Variants in SLIT3 observed in about 807,000 individuals in gnomAD.
The protein encoded by SLIT3 is slit homolog 3 protein.
A neutral mutation model predicts 184.0 loss-of-function variants in SLIT3; 68 were observed. That is an observed-to-expected ratio of 0.37 (90% CI 0.30 to 0.45). SLIT3 has a LOEUF of 0.45. SLIT3 is among the 20% of genes least tolerant of loss of function. The pLI is 1.00. For synonymous variants in SLIT3, 831 were observed against 828.6 expected (o/e 1.00, Z -0.05); for missense variants, 1,707 against 2,026.0 (o/e 0.84, Z 3.02).
At chr5:168,880,407 C>T (rs984665080) in intron 5 of SLIT3, among the ~76,000 whole-genome samples, 1 of 152,232 alleles carries the variant, frequency 6.6e-6, no homozygotes, top group Non-Finnish European at 1.5e-5. Flanking sequence ...TCCCTCCACT[C>T]CCATGAGATG....
At chr5:168,817,854 TG>T (rs1481580822) in intron 7 of SLIT3, among the ~76,000 whole-genome samples, 1 of 152,200 alleles carries the variant, frequency 6.6e-6, no homozygotes, top group African/African-American at 2.4e-5. Context: ...AGTTACAGGT[TG>T]CTTGAAACAT....
chr5:168,953,176 T>C (rs1216069679), intron 4 of SLIT3, among the ~76,000 whole-genome samples: 1 of 152,182 alleles, frequency 6.6e-6, no homozygotes, highest in Non-Finnish European at 1.5e-5. Context: ...GGATCCTGAC[T>C]AGAGTTTGGT....
intron 1 of SLIT3, among the ~76,000 whole-genome samples, chr5:169,266,281 T>A (rs1227497033): frequency 1.3e-5 from 2 of 152,164 alleles, no homozygotes. Flanking sequence ...GCAAGAAATG[T>A]AGGGAATACG....
chr5:168,705,824 T>C (rs1435911476), intron 26 of SLIT3, among the ~76,000 whole-genome samples: 1 of 152,192 alleles, frequency 6.6e-6, no homozygotes, highest in Non-Finnish European at 1.5e-5. Context: ...ACTTTCAGAC[T>C]CAGGCCAGTT....
intron 4 of SLIT3, among the ~76,000 whole-genome samples, chr5:168,978,586 T>C (rs1171532539): frequency 6.6e-6 from 1 of 152,190 alleles, no homozygotes; most frequent in Non-Finnish European, 1.5e-5. Flanking sequence ...GTTCTTTTTC[T>C]TTCCAGAACT....
chr5:168,818,574 T>G (rs1757418612), intron 7 of SLIT3, among the ~76,000 whole-genome samples: 1 of 152,252 alleles, frequency 6.6e-6, no homozygotes, highest in African/African-American at 2.4e-5. Flanking sequence ...GCATTTCGGA[T>G]GCACATTTTA....
intron 14 of SLIT3, among the ~76,000 whole-genome samples, chr5:168,763,226 C>T (rs17553426): frequency 0.57 from 87,220 of 151,712 alleles, 25,265 homozygotes; most frequent in East Asian, 0.7. Flanking sequence ...GGTAATAAAA[C>T]GAGTACAGGC....
intron 4 of SLIT3, among the ~76,000 whole-genome samples, chr5:168,914,562 G>A (rs1464911386): frequency 6.6e-6 from 1 of 152,206 alleles, no homozygotes; most frequent in Non-Finnish European, 1.5e-5. Flanking sequence ...TGGTCCTCCT[G>A]GGAAGTAGGA....
At chr5:169,286,628 G>A (rs1243995008) in intron 1 of SLIT3, among the ~76,000 whole-genome samples, 5 of 152,152 alleles carry the variant, frequency 3.3e-5, no homozygotes, top group African/African-American at 9.7e-5. Context: ...TCAGAGGTAC[G>A]GCCAGGTCGC....
chr5:168,683,832 T>TGC, intron 32 of SLIT3, 134 bp downstream of exon 32: 1 of 758,578 alleles, frequency 1.3e-6, no homozygotes, highest in Non-Finnish European at 1.9e-6. Context: ...AGTGTGTGTG[T>TGC]GCGCACATGT....
intron 4 of SLIT3, among the ~76,000 whole-genome samples, chr5:169,052,541 G>A (rs1029331372): frequency 5.3e-5 from 8 of 152,168 alleles, no homozygotes; most frequent in Non-Finnish European, 1.2e-4. Context: ...AGGCAGCGAG[G>A]CCACGTAAGA....
chr5:169,232,524 CA>C (rs756352746), intron 3 of SLIT3, among the ~76,000 whole-genome samples: 1 of 152,038 alleles, frequency 6.6e-6, no homozygotes, highest in Non-Finnish European at 1.5e-5. Context: ...CACTCCCGGC[CA>C]AAAAATATTG....
chr5:168,769,816 G>A (rs192719647), intron 14 of SLIT3, among the ~76,000 whole-genome samples: 2 of 152,288 alleles, frequency 1.3e-5, no homozygotes, highest in Admixed American at 1.3e-4. Flanking sequence ...TTCACAGTAT[G>A]TCAGAAGTCC....
In SLIT3 at chr5:168,664,013, C is replaced by G. The variant is rs1760952419; in HGVS notation, c.*2441G>C. The stretch of plus-strand genomic sequence containing the variant: ...GTTCTGGAGTCAGACAGCCTGGGCC[C>G]AGATCCTGGCTCTACGGTTTATTAG... On this transcript the variant is annotated 3_prime_UTR_variant, in exon 36 of 36. Coordinates refer to ENST00000519560, the MANE Select transcript of SLIT3 (RefSeq NM_003062.4). The G allele has an allele frequency of 6.6e-6, 1 of 152,144 alleles. No individual in the cohort carries two copies. The highest frequency in any genetic ancestry group is 1.5e-5 in the Non-Finnish European group (1 of 68,038). 9.4% of individuals were successfully genotyped at this position (152,144 alleles called of 1,614,324 possible). A position where few individuals can be genotyped will look rare whatever the true frequency, so the allele number is the denominator to read the frequency against.
intron 4 of SLIT3, among the ~76,000 whole-genome samples, chr5:169,114,321 T>C (rs1760564275): frequency 6.6e-6 from 1 of 152,188 alleles, no homozygotes; most frequent in African/African-American, 2.4e-5. Flanking sequence ...AGGAAAGTGC[T>C]CGTATTATCA....
At chr5:168,667,926 G>GGGATTAAGCT (rs1761107403) in intron 35 of SLIT3, among the ~76,000 whole-genome samples, 1 of 152,176 alleles carries the variant, frequency 6.6e-6, no homozygotes, top group African/African-American at 2.4e-5. Flanking sequence ...CTGGGGTGAA[G>GGGATTAAGCT]GGATTAAGCT....
intron 5 of SLIT3, among the ~76,000 whole-genome samples, chr5:168,854,761 G>A (rs60359004): frequency 0.01 from 1,579 of 152,362 alleles, 31 homozygotes; most frequent in African/African-American, 0.036. Context: ...GAACAGGACA[G>A]CAGTAACCAG....
At chr5:168,780,343 T>A (rs1006226668) in intron 12 of SLIT3, among the ~76,000 whole-genome samples, 3 of 152,252 alleles carry the variant, frequency 2.0e-5, no homozygotes, top group Non-Finnish European at 4.4e-5. Flanking sequence ...GACTGTGGGA[T>A]AGGAAGATGG....
At chr5:168,709,168 G>A (rs1198317642) in intron 25 of SLIT3, among the ~76,000 whole-genome samples, 2 of 149,568 alleles carry the variant, frequency 1.3e-5, no homozygotes, top group African/African-American at 2.5e-5. Flanking sequence ...GTGCAATTTC[G>A]GCTCACAGCA....
Sources: gnomAD v4.1 joint callset for allele counts (sites outside exome capture counted in the v4.1 genomes callset) on GRCh38, gnomAD v4.1.1 for gene constraint, MANE v1.5 for transcripts, NCBI Gene and HGNC (gene_info 2026-07-23, HGNC 2026-07-21) for gene names.